The following NBPF15 variants were observed in gnomAD, a reference collection of about 807,000 sequenced individuals.
NBPF15 encodes the protein NBPF family member NBPF15.
A neutral mutation model predicts 62.2 loss-of-function variants in NBPF15; 74 were observed. That is an observed-to-expected ratio of 1.19 (90% CI 0.99 to 1.44). The LOEUF (loss-of-function observed/expected upper bound fraction) is 1.44, where lower values mean the gene tolerates loss of function less well. NBPF15 is among the 40% of genes most tolerant of loss of function. The probability of loss-of-function intolerance (pLI) is 0.00; values close to 1 mark genes in which losing one functional copy is unlikely to be tolerated. For synonymous variants in NBPF15, 244 were observed against 209.7 expected, an observed-to-expected ratio of 1.16 and a Z score of -1.41; for missense variants, 790 against 550.0, an observed-to-expected ratio of 1.44 and a Z score of -4.36.
rs1355046781 is a variant in NBPF15 at position 144,422,871 on chromosome 1, G to A, written c.*142C>T. ...ATTGAGCACAGGTTGCCAATGGCAT[G>A]GTTTGAGAATAGGAATAGAGCCATG... On this transcript the variant is annotated 3_prime_UTR_variant, in exon 22 of 22. Transcript: ENST00000581897. 4.8e-5 allele frequency: 76 copies of A among 1,581,896 alleles called. No individual in the cohort carries two copies. In the Admixed American group the frequency reaches 8.1e-4, roughly 17 times the overall value.
In NBPF15 at chr1:144,428,043, C is replaced by T. The variant is rs1221629042; in HGVS notation, c.1041-53G>A. On this transcript the variant is annotated intron_variant, in intron 15 of 21. Coordinates refer to ENST00000581897, the MANE Select transcript of NBPF15 (RefSeq NM_001385408.1). ...AAGCCAGGGGGAATCAGAAACCACA[C>T]AGTCCCAGCTAGATTTCATGGCTAA... 586 of 784,570 alleles carry T rather than the reference C, an allele frequency of 7.5e-4. 5 individuals are homozygous for T. Among genetic ancestry groups the T allele is most frequent in the Non-Finnish European group, 1.2e-3 (518 of 426,124 alleles). The allele number at this position is 784,570 out of a possible 1,614,324, so 48.6% of individuals were successfully genotyped here.
rs782134373 is a variant in NBPF15, at chr1:144,423,091, G to A, written c.1935C>T (p.Tyr645=). ...FEEEHISFAL[Y]VDNRFFTLTV... is the part of the protein sequence containing the mutation. ...TCAAAGTAAAAAACCTATTGTCCACGTAAAGGGCGAAGCTGATATGCTCTT... is the reference window on the plus strand; with the variant it reads ...TCAAAGTAAAAAACCTATTGTCCACATAAAGGGCGAAGCTGATATGCTCTT... The change falls in exon 22 of 22, where the codon TAC becomes TAT. Residue 645 remains tyrosine, a synonymous_variant. Coordinates refer to ENST00000581897, the MANE Select transcript of NBPF15 (RefSeq NM_001385408.1). The A allele has an allele frequency of 2.3e-5, 37 of 1,611,488 alleles. 1 individual carries two copies. The highest frequency in any genetic ancestry group is 1.1e-4 in the South Asian group (10 of 90,978).
At chr1:144,435,458 T>C (rs1677507044) in intron 11 of NBPF15, 142 bp from the exon 12 acceptor site, 7 of 1,341,380 alleles carry the variant, frequency 5.2e-6, no homozygotes, top group South Asian at 2.4e-5. Context: ...AGAGGGAACA[T>C]GCAATCCTGT....
intron 1 of NBPF15, among the ~76,000 whole-genome samples, chr1:144,461,173 C>A (rs1201492820): frequency 1.3e-5 from 2 of 152,006 alleles, no homozygotes; most frequent in African/African-American, 4.8e-5. Context: ...CCACAGAACA[C>A]CCGCCAGCGA....
intron 12 of NBPF15, among the ~76,000 whole-genome samples, chr1:144,434,500 CAAAAAA>C (rs1209074766): frequency 1.6e-5 from 1 of 61,014 alleles, no homozygotes. Flanking sequence ...GACTCCATCG[CAAAAAA>C]AAAAAAAAAA....
chr1:144,440,424 A>G (rs1423047357), intron 6 of NBPF15, 129 bp from the exon 7 acceptor site: 1 of 577,674 alleles, frequency 1.7e-6, no homozygotes, highest in Non-Finnish European at 3.1e-6. Context: ...ACCAATGGGG[A>G]TCATTCCTTC....
chr1:144,438,861 T>A (rs1398908469), intron 8 of NBPF15, among the ~76,000 whole-genome samples: 1 of 151,930 alleles, frequency 6.6e-6, no homozygotes, highest in Non-Finnish European at 1.5e-5. Context: ...ACTGCACTGT[T>A]ATCTCCACAC....
chr1:144,430,910 C>T (rs1315392927), intron 13 of NBPF15, among the ~76,000 whole-genome samples: 7 of 151,938 alleles, frequency 4.6e-5, no homozygotes, highest in East Asian at 1.9e-4. Context: ...AACCATGGCA[C>T]GAGAACTACG....
chr1:144,428,473 A>T, intron 15 of NBPF15, 133 bp downstream of exon 15: 1 of 891,316 alleles, frequency 1.1e-6, no homozygotes, highest in Non-Finnish European at 1.9e-6. Flanking sequence ...AGAACCAAAA[A>T]GCAATGTAGT....
chr1:144,423,923 C>T lies in NBPF15; in HGVS notation c.1716G>A (p.Lys572=). The T allele has an allele frequency of 2.5e-6, 2 of 791,900 alleles. No homozygotes were observed. The highest frequency in any genetic ancestry group is 1.3e-5 in the South Asian group (1 of 75,036). The allele number at this position is 791,900 out of a possible 1,614,324, so 49.1% of individuals were successfully genotyped here. A position where few individuals can be genotyped will look rare whatever the true frequency, so the allele number is the denominator to read the frequency against. Residue 572 remains lysine (K), a synonymous_variant, in exon 21 of 22, where the codon AAG becomes AAA. Transcript: ENST00000581897. ...CTTCTTTTCTTCCCCTTCTTCTTTTCTTCTTTGATCTTCTTCCCCTTCTTT... is the reference window on the plus strand; with the variant it reads ...CTTCTTTTCTTCCCCTTCTTCTTTTTTTCTTTGATCTTCTTCCCCTTCTTT... ...GKKRRGRRSK[K]KRRRGRKEGE...
intron 6 of NBPF15, among the ~76,000 whole-genome samples, chr1:144,445,976 C>T (rs1231448544): frequency 6.8e-6 from 1 of 147,574 alleles, no homozygotes; most frequent in Admixed American, 6.7e-5. Context: ...CCTGCCTCAG[C>T]CTCCCAAGTA....
At chr1:144,444,220 G>C (rs376880710) in intron 6 of NBPF15, among the ~76,000 whole-genome samples, 18 of 149,624 alleles carry the variant, frequency 1.2e-4, no homozygotes, top group African/African-American at 2.7e-4. Context: ...ACAGGCCTCC[G>C]TAACAACTGT....
At position 144,423,217 on chromosome 1, in the gene NBPF15, G is replaced by T; in HGVS notation, c.1809C>A (p.Val603=). 6.2e-7 allele frequency: 1 copy of T among 1,611,596 alleles called. No individual in the cohort carries two copies. The highest frequency in any genetic ancestry group is 8.5e-7 in the Non-Finnish European group (1 of 1,179,612). ...GVLMEVEEPE[V]LQDSLDRCYS... Reference sequence around the variant, plus strand: ...AACATCTATCCAGTGAGTCCTGTAAGACTTCAGGCTCTTCCACTTCCATCA... The same window carrying T: ...AACATCTATCCAGTGAGTCCTGTAATACTTCAGGCTCTTCCACTTCCATCA... Residue 603 remains valine (V), a synonymous_variant, in exon 22 of 22, where the codon GTC becomes GTA. Coordinates refer to ENST00000581897, the MANE Select transcript of NBPF15 (RefSeq NM_001385408.1).
chr1:144,431,490 T>C (rs587666889), intron 13 of NBPF15, among the ~76,000 whole-genome samples: 3 of 146,750 alleles, frequency 2.0e-5, no homozygotes, highest in East Asian at 2.0e-4. Context: ...TATATATATA[T>C]ACAGATATAT....
chr1:144,424,604 C>A (rs1571104462), intron 20 of NBPF15, 86 bp downstream of exon 20: 2 of 658,428 alleles, frequency 3.0e-6, no homozygotes, highest in South Asian at 1.9e-5. Flanking sequence ...CATCTCTCAG[C>A]TCAGTAATGG....
rs782290787 is a variant in NBPF15 at position 144,423,254 on chromosome 1, A to G, written c.1772T>C (p.Leu591Pro). The change falls in exon 22 of 22, where the codon CTC (leucine) becomes CCC (proline). Residue 591 changes from leucine (L) to proline (P), a missense_variant and splice_region_variant. Leu to Pro is a moderately conservative substitution (Grantham distance 98). Transcript: ENST00000581897. ...TTCCACTTCCATCAGCACGCCGTAG[A>G]GCCTGGAAAAGGAGACAAAACTAAA... ...GEDDNPPCPR[L>P]YGVLMEVEEP... The G allele has an allele frequency of 6.2e-7, 1 of 1,611,582 alleles. No homozygotes were observed.
rs1307021275 is a variant in NBPF15 at position 144,423,991 on chromosome 1, AC to A, written c.1664-17del. On this transcript the variant is annotated splice_polypyrimidine_tract_variant and intron_variant, in intron 20 of 21. Transcript: ENST00000581897. ...TTTTCAATTTCTGCAATAAATTCAG[AC>A]ATGGACAGACACATTAAGCTGATTC... 2.6e-6 allele frequency: 2 copies of A among 763,990 alleles called. No homozygotes were observed. Among genetic ancestry groups the A allele is most frequent in the African/African-American group, 3.4e-5 (2 of 58,874 alleles). The allele number at this position is 763,990 out of a possible 1,614,324, so 47.3% of individuals were successfully genotyped here.
At chr1:144,425,055 GATAGACAC>G (rs1668627509) in intron 19 of NBPF15, among the ~76,000 whole-genome samples, 193 bp from the exon 20 acceptor site, 1 of 101,738 alleles carries the variant, frequency 9.8e-6, no homozygotes, top group African/African-American at 4.3e-5. Flanking sequence ...GAGAAAGACA[GATAGACAC>G]ACACACACAC....
rs1553540836 is a variant in NBPF15 at position 144,435,215 on chromosome 1, G to A, written c.668C>T (p.Pro223Leu). ...NSHGPYDSNQ[P>L]HKKTKITFEE... The stretch of plus-strand genomic sequence containing the variant: ...AAATGTGATTTTGGTTTTCTTATGT[G>A]GCTGGTTGGAGTCATAAGGGCCATG... Residue 223 changes from proline (P) to leucine (L), a missense_variant, in exon 12 of 22, where the codon CCA becomes CTA. Transcript: ENST00000581897. 2.9e-5 allele frequency: 47 copies of A among 1,613,042 alleles called. 3 individuals are homozygous for A. In the South Asian group the frequency reaches 4.6e-4, roughly 16 times the overall value.
Sources: gnomAD v4.1 joint callset for allele counts (sites outside exome capture counted in the v4.1 genomes callset) on GRCh38, gnomAD v4.1.1 for gene constraint, MANE v1.5 for transcripts, NCBI Gene and HGNC (gene_info 2026-07-23, HGNC 2026-07-21) for gene names.